The following RBM27 variants were observed in gnomAD, a reference collection of about 807,000 sequenced individuals.
RBM27 encodes the protein RNA-binding protein 27.
Under a neutral mutation model 135.3 loss-of-function variants are expected in RBM27, and 22 were observed. The ratio of observed to expected loss-of-function variants is 0.16; its 90% CI spans 0.12 to 0.23. The LOEUF (loss-of-function observed/expected upper bound fraction) is 0.23, where lower values mean the gene tolerates loss of function less well. RBM27 is among the 10% of genes least tolerant of loss of function. RBM27 has a pLI of 1.00. For missense variants in RBM27, 1,009 were observed against 1,281.0 expected (o/e 0.79, Z 3.24); for synonymous variants, 481 against 442.4 (o/e 1.09, Z -1.10).
intron 8 of RBM27, among the ~76,000 whole-genome samples, chr5:146,239,472 CTTTTTTTTT>C (rs916182587): frequency 1.8e-4 from 10 of 55,370 alleles, no homozygotes; most frequent in East Asian, 5.1e-4. Context: ...TTTTCCTTTT[CTTTTTTTTT>C]TTTTTTTTTT....
chr5:146,211,342 C>G (rs909748546), intron 1 of RBM27, among the ~76,000 whole-genome samples: 1 of 151,310 alleles, frequency 6.6e-6, no homozygotes, highest in African/African-American at 2.4e-5. Flanking sequence ...CCCAAACAGA[C>G]TAAGAGAGAA....
chr5:146,235,712 C>T (rs13178443), intron 7 of RBM27, among the ~76,000 whole-genome samples: 32,186 of 151,504 alleles, frequency 0.21, 4,353 homozygotes, highest in Admixed American at 0.33. Context: ...CAAGATCTCA[C>T]TCTGTGCCCT....
chr5:146,229,892 G>T lies in RBM27; in HGVS notation c.571G>T (p.Asp191Tyr). 6.2e-7 allele frequency: 1 copy of T among 1,613,924 alleles called. No homozygotes were observed. Among genetic ancestry groups the T allele is most frequent in the Non-Finnish European group, 8.5e-7 (1 of 1,179,874 alleles). Residue 191 changes from aspartate (D) to tyrosine (Y), a missense_variant, in exon 5 of 21, where the codon GAT becomes TAT. Physicochemically the swap from Asp to Tyr is radical, Grantham distance 160. Coordinates refer to ENST00000265271, the MANE Select transcript of RBM27 (RefSeq NM_018989.2). ...AAGTAGGGGGCGCAGCAAAGACCGG[G>T]ATCCAAATAGGAATGTTGGTGAGTA... is the stretch of plus-strand genomic sequence containing the variant. The part of the protein sequence containing the change: ...SRSRGRSKDR[D>Y]PNRNVEHRER...
intron 14 of RBM27, among the ~76,000 whole-genome samples, chr5:146,264,174 G>A (rs1027578732): frequency 6.6e-6 from 1 of 151,136 alleles, no homozygotes; most frequent in African/African-American, 2.4e-5. Context: ...ATATTTATTT[G>A]TTTGTTTGTT....
At chr5:146,257,111 A>G (rs1465001635) in intron 10 of RBM27, among the ~76,000 whole-genome samples, 1 of 152,216 alleles carries the variant, frequency 6.6e-6, no homozygotes, top group Non-Finnish European at 1.5e-5. Context: ...GCTGAGCTGT[A>G]AAATAGCTAA....
At chr5:146,212,949 A>G (rs531615743) in intron 1 of RBM27, among the ~76,000 whole-genome samples, 61 of 152,242 alleles carry the variant, frequency 4.0e-4, no homozygotes, top group Non-Finnish European at 6.6e-4. Flanking sequence ...CCTTGGCACT[A>G]TTTTTTTGTT....
At chr5:146,216,993 G>A (rs1296993375) in intron 1 of RBM27, among the ~76,000 whole-genome samples, 1 of 151,918 alleles carries the variant, frequency 6.6e-6, no homozygotes, top group Non-Finnish European at 1.5e-5. Context: ...TGGAGATGGA[G>A]TCTCGCTCTG....
Position 146,271,599 on chromosome 5 carries a change from G to A in RBM27, c.2913G>A (p.Val971=). The A allele has an allele frequency of 6.2e-7, 1 of 1,613,844 alleles. No homozygotes were observed. Among genetic ancestry groups the A allele is most frequent in the Middle Eastern group, 1.7e-4 (1 of 6,018 alleles). Residue 971 remains valine (V), a synonymous_variant, in exon 19 of 21, where the codon GTG becomes GTA. Transcript: ENST00000265271. ...GGGGCTCACTAAATCACATGGTGGT[G>A]GACCATCGTCCCAAAGCACTAACAG... ...RGRGSLNHMV[V]DHRPKALTVG... is the part of the protein sequence containing the mutation.
Position 146,255,085 on chromosome 5 carries a change from T to C in RBM27, c.1587T>C (p.Asn529=). The change falls in exon 10 of 21, where the codon AAT becomes AAC. Residue 529 remains asparagine (N), a synonymous_variant. Transcript: ENST00000265271. ...IGLTSGDMDV[N]PRAANIVIQT... ...TAACATCTGGAGATATGGATGTAAA[T>C]CCAAGAGGTGAGAATACCTTGAACT... 1 of 1,611,394 alleles carries C rather than the reference T, an allele frequency of 6.2e-7. No homozygotes were observed. Among genetic ancestry groups the C allele is most frequent in the Non-Finnish European group, 8.5e-7 (1 of 1,178,550 alleles).
intron 15 of RBM27, among the ~76,000 whole-genome samples, chr5:146,268,391 C>T (rs947711619): frequency 1.3e-4 from 20 of 151,718 alleles, no homozygotes; most frequent in African/African-American, 4.6e-4. Context: ...TACAGGCATG[C>T]GCCACCACCC....
intron 1 of RBM27, among the ~76,000 whole-genome samples, chr5:146,213,128 G>A (rs1756038108): frequency 6.7e-6 from 1 of 149,750 alleles, no homozygotes; most frequent in Non-Finnish European, 1.5e-5. Flanking sequence ...TTGATATGGA[G>A]TTTTGCTCTT....
At chr5:146,225,103 C>CT (rs919220603) in intron 3 of RBM27, among the ~76,000 whole-genome samples, 2 of 151,968 alleles carry the variant, frequency 1.3e-5, no homozygotes, top group Non-Finnish European at 2.9e-5. Context: ...AAGCAATGTC[C>CT]TTTTTTTATT....
At chr5:146,236,804 A>G (rs934785006) in intron 7 of RBM27, among the ~76,000 whole-genome samples, 2 of 151,512 alleles carry the variant, frequency 1.3e-5, no homozygotes, top group African/African-American at 2.4e-5. Context: ...TTGTACTTTT[A>G]GTAGAGATGG....
chr5:146,227,588 C>T (rs968841180), intron 3 of RBM27, among the ~76,000 whole-genome samples: 2 of 152,042 alleles, frequency 1.3e-5, no homozygotes, highest in African/African-American at 4.8e-5. Flanking sequence ...TTTATTTCAC[C>T]TTTCTCTGGT....
chr5:146,247,056 G>T (rs766359975), intron 8 of RBM27, among the ~76,000 whole-genome samples: 1 of 150,348 alleles, frequency 6.7e-6, no homozygotes, highest in Non-Finnish European at 1.5e-5. Flanking sequence ...TAGAGATGAG[G>T]GCTCCCCATG....
intron 8 of RBM27, among the ~76,000 whole-genome samples, chr5:146,239,794 T>G (rs1757326755): frequency 7.2e-6 from 1 of 138,106 alleles, no homozygotes; most frequent in African/African-American, 2.5e-5. Context: ...TTTTTTTTTT[T>G]GAGACAGAGT....
At chr5:146,210,875 A>G (rs1257517567) in intron 1 of RBM27, among the ~76,000 whole-genome samples, 9 of 151,760 alleles carry the variant, frequency 5.9e-5, no homozygotes, top group African/African-American at 1.5e-4. Flanking sequence ...TGAACCTGGG[A>G]GGCGGAGGTT....
chr5:146,218,394 A>C (rs933524017), intron 1 of RBM27, among the ~76,000 whole-genome samples: 2 of 152,118 alleles, frequency 1.3e-5, no homozygotes, highest in Non-Finnish European at 2.9e-5. Context: ...TAACTCCTAG[A>C]TCTTTTCTTT....
Position 146,233,747 on chromosome 5 carries a change from A to G in RBM27, c.1144+4A>G. 7.3e-7 allele frequency: 1 copy of G among 1,378,746 alleles called. No individual in the cohort carries two copies. The allele number at this position is 1,378,746 out of a possible 1,614,324, so 85.4% of individuals were successfully genotyped here. On this transcript the variant is annotated splice_donor_region_variant and intron_variant, in intron 7 of 20. Transcript: ENST00000265271. ...TCCGTTGTGCTTCCCATACCAAGTA[A>G]GTATATATTTGTTGAATTTTTCTCT...
Sources: allele counts gnomAD v4.1 joint callset (sites outside exome capture counted in the v4.1 genomes callset), GRCh38; gene constraint gnomAD v4.1.1; transcripts MANE v1.5; gene names NCBI Gene and HGNC (gene_info 2026-07-23, HGNC 2026-07-21).